LUC7L: variants seen among roughly 807,000 people sequenced by gnomAD.
The protein encoded by LUC7L is putative RNA-binding protein Luc7-like 1.
Under a neutral mutation model 51.1 loss-of-function variants are expected in LUC7L, and 29 were observed. The observed-to-expected ratio is 0.57, with a 90% confidence interval of 0.42 to 0.77. The LOEUF is 0.77. LUC7L is among the 30% of genes least tolerant of loss of function. The probability of loss-of-function intolerance (pLI) is 0.00; values close to 1 mark genes in which losing one functional copy is unlikely to be tolerated. For synonymous variants in LUC7L, 181 were observed against 180.7 expected (o/e 1.00, Z -0.01); for missense variants, 403 against 511.9 (o/e 0.79, Z 2.05).
intron 2 of LUC7L, among the ~76,000 whole-genome samples, chr16:223,344 G>A (rs1008966871): frequency 1.2e-4 from 18 of 151,708 alleles, no homozygotes; most frequent in African/African-American, 2.7e-4. Context: ...GCGAGACTCC[G>A]TCTCAAAAAA....
At chr16:212,005 G>T (rs748685535) in intron 3 of LUC7L, among the ~76,000 whole-genome samples, 1 of 152,082 alleles carries the variant, frequency 6.6e-6, no homozygotes, top group Non-Finnish European at 1.5e-5. Flanking sequence ...CCAAAGAGCC[G>T]CAGAGGGGCC....
At chr16:201,237 A>G (rs1333817393) in intron 5 of LUC7L, among the ~76,000 whole-genome samples, 1 of 108,004 alleles carries the variant, frequency 9.3e-6, no homozygotes, top group Non-Finnish European at 1.9e-5. Context: ...AGTATGCTAC[A>G]TAACTAAAAA....
At chr16:219,840 G>A (rs1384367237) in intron 3 of LUC7L, among the ~76,000 whole-genome samples, 2 of 151,256 alleles carry the variant, frequency 1.3e-5, no homozygotes, top group African/African-American at 4.9e-5. Flanking sequence ...CTGCTCTCCA[G>A]CCTGAGCAAC....
In LUC7L at chr16:190,106, C is replaced by T. The variant is rs200162776; in HGVS notation, c.836G>A (p.Arg279Gln). Reference sequence around the variant, plus strand: ...TCGCTCTCGGGAGGTAGATCTTGACCGCCTCCGACGCCGATCCCGGGAGCG... The same window carrying T: ...TCGCTCTCGGGAGGTAGATCTTGACTGCCTCCGACGCCGATCCCGGGAGCG... ...RSRSRDRRRR[R>Q]SRSTSRERRK... Residue 279 changes from arginine to glutamine, a missense_variant, in exon 9 of 10, where the codon CGG becomes CAG. Arg to Gln is a conservative substitution (Grantham distance 43). Around this residue, in one of 3 missense-constraint regions of LUC7L, gnomAD observed 206 missense variants for 218.3 expected, o/e 0.94. Transcript: ENST00000293872. The T allele has an allele frequency of 7.4e-6, 12 of 1,612,154 alleles. No homozygotes were observed. The highest frequency in any genetic ancestry group is 2.7e-5 in the African/African-American group (2 of 74,860).
intron 6 of LUC7L, among the ~76,000 whole-genome samples, chr16:197,337 C>T (rs1596607408): frequency 1.3e-5 from 2 of 151,578 alleles, no homozygotes; most frequent in African/African-American, 4.8e-5. Flanking sequence ...CTCAGCCTCC[C>T]GAGTAGCCAG....
At chr16:209,855 G>A (rs1479277848) in intron 3 of LUC7L, 1 of 152,164 alleles carries the variant, frequency 6.6e-6, no homozygotes, top group Non-Finnish European at 1.5e-5. Flanking sequence ...TCAAAAACAT[G>A]CATACTTGGG....
chr16:199,988 T>TAA (rs35125097), intron 5 of LUC7L, among the ~76,000 whole-genome samples: 492 of 147,512 alleles, frequency 3.3e-3, no homozygotes, highest in Admixed American at 5.8e-3. Context: ...GACTCCATCT[T>TAA]AAAAAAAAAA....
intron 5 of LUC7L, among the ~76,000 whole-genome samples, chr16:204,261 C>T (rs989045112): frequency 2.0e-5 from 3 of 148,216 alleles, no homozygotes; most frequent in Non-Finnish European, 3.0e-5. Flanking sequence ...TTGGCCAACA[C>T]GGTGAAACCC....
chr16:216,543 C>T (rs978005210), intron 3 of LUC7L, among the ~76,000 whole-genome samples: 7 of 151,842 alleles, frequency 4.6e-5, no homozygotes, highest in African/African-American at 1.5e-4. Context: ...CCACCATGAC[C>T]GGCTGATTTT....
chr16:225,215 C>A (rs967637002), intron 2 of LUC7L, among the ~76,000 whole-genome samples: 3 of 152,080 alleles, frequency 2.0e-5, no homozygotes, highest in Non-Finnish European at 4.4e-5. Context: ...TGGCCGGGCG[C>A]AGTGTCTCAT....
intron 5 of LUC7L, among the ~76,000 whole-genome samples, chr16:204,413 G>A (rs2049421223): frequency 6.6e-6 from 1 of 152,042 alleles, no homozygotes; most frequent in Admixed American, 6.6e-5. Context: ...CTAACACAGT[G>A]AAACCCCATC....
intron 5 of LUC7L, among the ~76,000 whole-genome samples, chr16:205,645 AG>A (rs1283636721): frequency 6.6e-6 from 1 of 152,200 alleles, no homozygotes; most frequent in African/African-American, 2.4e-5. Flanking sequence ...GCTGGAGTGC[AG>A]TGGCGCAATC....
intron 5 of LUC7L, among the ~76,000 whole-genome samples, chr16:201,901 A>G (rs1252930801): frequency 1.3e-5 from 2 of 150,980 alleles, no homozygotes; most frequent in Non-Finnish European, 3.0e-5. Flanking sequence ...CCGCCACCAC[A>G]CCTGGCTAAT....
At position 227,639 on chromosome 16, in the gene LUC7L, T is replaced by C. The variant is rs1329117295; in HGVS notation, c.62-303A>G. The C allele has an allele frequency of 2.6e-6, 3 of 1,153,854 alleles. No individual in the cohort carries two copies. The African/African-American group carries it at 4.7e-5, about 18-fold the overall frequency. The allele number at this position is 1,153,854 out of a possible 1,614,324, so 71.5% of individuals were successfully genotyped here. ...AGGCCATTGGCTCCACATATACATG[T>C]GGCAATGAGACTGCAAAACCCAAGC... On this transcript the variant is annotated intron_variant, in intron 1 of 9. Transcript: ENST00000293872.
chr16:198,452 T>C (rs1218461561), intron 6 of LUC7L, among the ~76,000 whole-genome samples: 1 of 152,164 alleles, frequency 6.6e-6, no homozygotes, highest in African/African-American at 2.4e-5. Flanking sequence ...ACACTCTGTC[T>C]TGACCAACCA....
chr16:191,303 T>C (rs1386959161), intron 7 of LUC7L, among the ~76,000 whole-genome samples: 1 of 152,160 alleles, frequency 6.6e-6, no homozygotes, highest in Non-Finnish European at 1.5e-5. Flanking sequence ...ACAGGCTTCC[T>C]GTCAGGTGAG....
chr16:229,192 G>C, intron 1 of LUC7L, 87 bp downstream of exon 1: 1 of 1,498,352 alleles, frequency 6.7e-7, no homozygotes, highest in South Asian at 1.3e-5. Flanking sequence ...CGCAGGCGCA[G>C]ACGATCGCGG....
At chr16:219,166 G>A (rs185647927) in intron 3 of LUC7L, among the ~76,000 whole-genome samples, 2 of 151,486 alleles carry the variant, frequency 1.3e-5, no homozygotes, top group East Asian at 2.0e-4. Flanking sequence ...CGAGGCAGGC[G>A]GATCACAAGG....
chr16:189,822 A>G, intron 9 of LUC7L, 146 bp downstream of exon 9: 3 of 1,440,058 alleles, frequency 2.1e-6, no homozygotes, highest in Non-Finnish European at 2.7e-6. Context: ...CTCTTCCCAC[A>G]CCTGAGTCCC....
Sources: allele counts gnomAD v4.1 joint callset (sites outside exome capture counted in the v4.1 genomes callset), GRCh38; gene constraint gnomAD v4.1.1; regional missense constraint gnomAD v4.1.1; transcripts MANE v1.5; gene names NCBI Gene and HGNC (gene_info 2026-07-23, HGNC 2026-07-21).